Variants in TET1 observed in about 807,000 individuals in gnomAD.
The protein encoded by TET1 is tet methylcytosine dioxygenase 1, also known as methylcytosine dioxygenase TET1.
Under a neutral mutation model 148.7 loss-of-function variants are expected in TET1, and 13 were observed. That is an observed-to-expected ratio of 0.09 (90% CI 0.06 to 0.14). The LOEUF is 0.14. TET1 is among the 10% of genes least tolerant of loss of function. The pLI is 1.00. For synonymous variants in TET1, 907 were observed against 937.2 expected, an observed-to-expected ratio of 0.97 and a Z score of 0.59; for missense variants, 2,182 against 2,553.8, an observed-to-expected ratio of 0.85 and a Z score of 3.14.
At chr10:68,659,173 G>C (rs7897916) in intron 6 of TET1, among the ~76,000 whole-genome samples, 27,673 of 152,128 alleles carry the variant, frequency 0.18, 3,137 homozygotes, top group African/African-American at 0.31. Flanking sequence ...TTGAGCTTCT[G>C]GGGTAATGGC....
chr10:68,565,475 A>AAAAAAAAATAT (rs1388182777), intron 1 of TET1, among the ~76,000 whole-genome samples: 3 of 129,232 alleles, frequency 2.3e-5, no homozygotes, highest in Non-Finnish European at 3.2e-5. Flanking sequence ...AAAAAAAAAA[A>AAAAAAAAATAT]ATATATATAT....
chr10:68,652,044 A>G (rs1439369227), intron 5 of TET1, 108 bp downstream of exon 5: 35 of 1,033,192 alleles, frequency 3.4e-5, no homozygotes, highest in Non-Finnish European at 5.0e-5. Context: ...GATCAGGAGT[A>G]TGAGTTGGAT....
intron 3 of TET1, among the ~76,000 whole-genome samples, chr10:68,607,019 G>T (rs1378922249): frequency 6.6e-6 from 1 of 152,046 alleles, no homozygotes; most frequent in African/African-American, 2.4e-5. Flanking sequence ...CTCATATACA[G>T]GCATTCGTTT....
Position 68,606,423 on chromosome 10 carries a change from C to T in TET1, c.1968+5389C>T, listed in dbSNP as rs2054125339. On this transcript the variant is annotated intron_variant, in intron 3 of 11. Coordinates refer to ENST00000373644, the MANE Select transcript of TET1 (RefSeq NM_030625.3). ...AGATAACATAGTTGCTAATGATTTT[C>T]TTCTGCTTATTTGTCTATAACTTTG... Among the ~76,000 whole-genome samples the T allele has an allele frequency of 5.9e-5, 9 of 152,138 alleles. 1 individual carries two copies. The highest frequency in any genetic ancestry group is 5.9e-4 in the Admixed American group (9 of 15,258).
intron 3 of TET1, among the ~76,000 whole-genome samples, chr10:68,636,708 G>A (rs537739608): frequency 7.2e-5 from 11 of 152,258 alleles, no homozygotes; most frequent in Non-Finnish European, 1.3e-4. Flanking sequence ...GGAAACTTCT[G>A]AAGCCTCTGC....
chr10:68,644,402 C>T (rs10998362), intron 3 of TET1, among the ~76,000 whole-genome samples: 45,573 of 151,896 alleles, frequency 0.3, 7,222 homozygotes, highest in East Asian at 0.41. Flanking sequence ...GACTGGGTTT[C>T]ACCATCTTGC....
chr10:68,678,720 C>G (rs545072364), intron 8 of TET1, among the ~76,000 whole-genome samples: 5 of 151,750 alleles, frequency 3.3e-5, no homozygotes, highest in South Asian at 4.2e-4. Context: ...ACTGCACCCC[C>G]CCACACACAA....
chr10:68,611,863 A>G (rs1289051313), intron 3 of TET1, among the ~76,000 whole-genome samples: 2 of 69,666 alleles, frequency 2.9e-5, no homozygotes, highest in Non-Finnish European at 6.0e-5. Flanking sequence ...GGAGAGAGGG[A>G]GAGAGAGAGA....
rs2055597757 is a variant in TET1, at chr10:68,691,743, C to T, written c.6340C>T (p.His2114Tyr). ...TTCTCATAAAGCATTAACATTAACC[C>T]ATGACAATGTTGTCACCGTGTCCCC... The part of the protein sequence containing the change: ...IPSHKALTLT[H>Y]DNVVTVSPYA... Residue 2114 changes from histidine to tyrosine, a missense_variant, in exon 12 of 12, where the codon CAT (histidine) becomes TAT (tyrosine). By Grantham distance (83) the His-to-Tyr change is moderately conservative (BLOSUM62 2). Coordinates refer to ENST00000373644, the MANE Select transcript of TET1 (RefSeq NM_030625.3). This position sits in a 1 kb window ranked among gnomAD's most constrained non-coding sequence, Gnocchi z 4.4. 3 of 1,613,930 alleles carry T rather than the reference C, an allele frequency of 1.9e-6. No individual in the cohort carries two copies. The Admixed American group carries it at 5.0e-5, about 27-fold the overall frequency.
At position 68,683,263 on chromosome 10, in the gene TET1, C is replaced by CT. The variant is rs1048451296; in HGVS notation, c.5052+298dup. Among the ~76,000 whole-genome samples, 428 of 151,574 alleles carry CT rather than the reference C, an allele frequency of 2.8e-3. 4 individuals are homozygous for CT. The highest frequency in any genetic ancestry group is 0.01 in the African/African-American group (412 of 41,080). ...GTGTTTTTGCTGGGAGGCAGGAGTA[C>CT]TTTTTTTTAAATTTATTTATTTATT... On this transcript the variant is annotated intron_variant, in intron 10 of 11. Transcript: ENST00000373644.
In TET1 at chr10:68,573,311, T is replaced by C. The variant is rs750445862; in HGVS notation, c.973T>C (p.Ser325Pro). The change falls in exon 2 of 12, where the codon TCT (serine) becomes CCT (proline). Residue 325 changes from serine (S) to proline (P), a missense_variant. By Grantham distance (74) the Ser-to-Pro change is moderately conservative (BLOSUM62 -1). Transcript: ENST00000373644. ...TCTTGGTGGGTCTACGTCTCCTACC[T>C]CTGTAATAAAATTCCTCTTGGCAGG... ...LALGGSTSPT[S>P]VIKFLLAGSK... The C allele has an allele frequency of 3.4e-5, 55 of 1,613,944 alleles. No homozygotes were observed. The highest frequency in any genetic ancestry group is 4.4e-5 in the Non-Finnish European group (52 of 1,180,020).
chr10:68,566,723 G>T (rs140017097), intron 1 of TET1, among the ~76,000 whole-genome samples: 7 of 152,158 alleles, frequency 4.6e-5, no homozygotes, highest in Non-Finnish European at 7.4e-5. Flanking sequence ...TGTAAGGTGG[G>T]AACAGAACCA....
At chr10:68,578,704 A>G (rs2053759203) in intron 2 of TET1, among the ~76,000 whole-genome samples, 2 of 132,268 alleles carry the variant, frequency 1.5e-5, no homozygotes, top group South Asian at 4.8e-4. Flanking sequence ...CAAAATGGAA[A>G]AAGATCTTAT....
At chr10:68,677,062 T>G (rs1002280972) in intron 8 of TET1, among the ~76,000 whole-genome samples, 1 of 152,190 alleles carries the variant, frequency 6.6e-6, no homozygotes, top group Non-Finnish European at 1.5e-5. Flanking sequence ...ATGGCAACAG[T>G]TTTTTTGGGA....
intron 2 of TET1, among the ~76,000 whole-genome samples, chr10:68,586,749 G>A (rs11815694): frequency 0.057 from 8,706 of 152,058 alleles, 341 homozygotes; most frequent in Non-Finnish European, 0.079. Flanking sequence ...ATGGTAAACA[G>A]TGTGAGAGTG....
At chr10:68,602,416 T>C (rs942020302) in intron 3 of TET1, among the ~76,000 whole-genome samples, 1 of 152,212 alleles carries the variant, frequency 6.6e-6, no homozygotes, top group Non-Finnish European at 1.5e-5. Flanking sequence ...AGATTTAGTC[T>C]TCCTCTTAAA....
chr10:68,616,694 C>T (rs1207713486), intron 3 of TET1, among the ~76,000 whole-genome samples: 2 of 152,008 alleles, frequency 1.3e-5, no homozygotes, highest in African/African-American at 4.8e-5. Flanking sequence ...TGTAAGTATG[C>T]CCAGATAATA....
intron 3 of TET1, among the ~76,000 whole-genome samples, chr10:68,605,331 G>C (rs2054108787): frequency 6.6e-6 from 1 of 152,082 alleles, no homozygotes; most frequent in Non-Finnish European, 1.5e-5. Flanking sequence ...AAATTAGCCA[G>C]GGGTAGTGGC....
At chr10:68,660,221 T>A (rs2055085368) in intron 6 of TET1, among the ~76,000 whole-genome samples, 3 of 152,188 alleles carry the variant, frequency 2.0e-5, no homozygotes, top group South Asian at 2.1e-4. Context: ...CAGGGACTTA[T>A]TTTTTGCTTT....
Sources: gnomAD v4.1 joint callset for allele counts (sites outside exome capture counted in the v4.1 genomes callset) on GRCh38, gnomAD v4.1.1 for gene constraint, Gnocchi (gnomAD v3.1) non-coding constraint, MANE v1.5 for transcripts, NCBI Gene and HGNC (gene_info 2026-07-23, HGNC 2026-07-21) for gene names.